Variants in RBM46 observed in about 807,000 individuals in gnomAD.
RBM46 encodes the protein probable RNA-binding protein 46.
Under a neutral mutation model 43.3 loss-of-function variants are expected in RBM46, and 12 were observed. That is an observed-to-expected ratio of 0.28 (90% CI 0.18 to 0.45). The LOEUF is 0.45. RBM46 is among the 20% of genes least tolerant of loss of function. The pLI is 1.00. For synonymous variants in RBM46, 205 were observed against 207.6 expected (o/e 0.99, Z 0.11); for missense variants, 412 against 639.1 (o/e 0.64, Z 3.83).
chr4:154,808,702 T>C (rs1363285267), intron 4 of RBM46, among the ~76,000 whole-genome samples: 1 of 152,076 alleles, frequency 6.6e-6, no homozygotes, highest in African/African-American at 2.4e-5. Context: ...TATCAATCTT[T>C]GGAAAACAGG....
intron 4 of RBM46, among the ~76,000 whole-genome samples, chr4:154,809,407 T>C (rs2111173599): frequency 6.6e-6 from 1 of 152,180 alleles, no homozygotes; most frequent in African/African-American, 2.4e-5. Flanking sequence ...GTAATGATTT[T>C]TAATTTTAGT....
intron 4 of RBM46, chr4:154,827,269 G>A: frequency 7.5e-6 from 7 of 936,382 alleles, no homozygotes; most frequent in Non-Finnish European, 8.9e-6. Flanking sequence ...GTTTTTTGAA[G>A]TTTATTTAAT....
intron 4 of RBM46, among the ~76,000 whole-genome samples, chr4:154,808,235 ATAAAATG>A (rs1039597466): frequency 2.0e-5 from 3 of 152,046 alleles, no homozygotes; most frequent in African/African-American, 7.2e-5. Context: ...ACTTATTTAA[ATAAAATG>A]TAAACCATGA....
Position 154,799,461 on chromosome 4 carries a change from T to A in RBM46, c.1299T>A (p.Pro433=). The A allele has an allele frequency of 6.2e-7, 1 of 1,613,840 alleles. No homozygotes were observed. Among genetic ancestry groups the A allele is most frequent in the Non-Finnish European group, 8.5e-7 (1 of 1,179,858 alleles). The change falls in exon 4 of 5, where the codon CCT becomes CCA. Residue 433 remains proline (P), a synonymous_variant. Transcript: ENST00000281722. ...TCTTGGTGTATAAGATAGTTATTCC[T>A]GCTATTGCAAATGGATCCCAGAGTT... ...KVLLVYKIVI[P]AIANGSQSYF...
chr4:154,796,039 G>C (rs1734336175), intron 1 of RBM46, among the ~76,000 whole-genome samples: 1 of 152,088 alleles, frequency 6.6e-6, no homozygotes, highest in South Asian at 2.1e-4. Flanking sequence ...ATGGTGGTGT[G>C]TGCCTGCAGT....
At chr4:154,791,335 G>A (rs1056557185) in intron 1 of RBM46, among the ~76,000 whole-genome samples, 2 of 152,152 alleles carry the variant, frequency 1.3e-5, no homozygotes, top group African/African-American at 2.4e-5. Context: ...TTTAAGGGAT[G>A]CCAGTTTAGG....
At chr4:154,793,990 T>C (rs1734225510) in intron 1 of RBM46, among the ~76,000 whole-genome samples, 1 of 152,154 alleles carries the variant, frequency 6.6e-6, no homozygotes, top group African/African-American at 2.4e-5. Flanking sequence ...AGTGTTCATC[T>C]CTTTCCTTGT....
At chr4:154,812,395 A>G (rs1206460600) in intron 4 of RBM46, among the ~76,000 whole-genome samples, 1 of 152,096 alleles carries the variant, frequency 6.6e-6, no homozygotes, top group Non-Finnish European at 1.5e-5. Context: ...TTGTAAACAT[A>G]TCTTGTTTAC....
chr4:154,811,669 C>CTGTGTGTGTG (rs70947182), intron 4 of RBM46, among the ~76,000 whole-genome samples: 3,699 of 130,736 alleles, frequency 0.028, 110 homozygotes, highest in African/African-American at 0.072. Flanking sequence ...GTGTGTGTGT[C>CTGTGTGTGTG]TGTGTGTGTG....
At chr4:154,826,303 CA>C (rs1735960241) in intron 4 of RBM46, among the ~76,000 whole-genome samples, 1 of 151,874 alleles carries the variant, frequency 6.6e-6, no homozygotes, top group Admixed American at 6.6e-5. Context: ...ACTAAAAATA[CA>C]AAAATTAACT....
At chr4:154,799,623 AT>A in intron 4 of RBM46, 59 bp downstream of exon 4, 1 of 1,184,656 alleles carries the variant, frequency 8.4e-7, no homozygotes, top group Non-Finnish European at 1.1e-6. Context: ...ACTGTAGATT[AT>A]TTTTAAATTC....
intron 1 of RBM46, among the ~76,000 whole-genome samples, chr4:154,792,370 G>T (rs1578899926): frequency 6.6e-6 from 1 of 152,290 alleles, no homozygotes; most frequent in Non-Finnish European, 1.5e-5. Context: ...AAAGGTCAGA[G>T]TTGTAAAGTG....
intron 1 of RBM46, among the ~76,000 whole-genome samples, chr4:154,791,800 A>T (rs1275525599): frequency 1.3e-5 from 2 of 152,332 alleles, no homozygotes; most frequent in East Asian, 3.9e-4. Flanking sequence ...GGGTGGTTGA[A>T]TTAGATGATT....
At position 154,798,186 on chromosome 4, in the gene RBM46, G is replaced by A; in HGVS notation, c.527G>A (p.Ser176Asn). 6.2e-7 allele frequency: 1 copy of A among 1,613,802 alleles called. No homozygotes were observed. ...GTTGTAGATGTCATTGTTTATCCAA[G>A]TGCAACTGATAAGACCAAAAATCGT... ...EGVVDVIVYP[S>N]ATDKTKNRGF... Residue 176 changes from serine (S) to asparagine (N), a missense_variant, in exon 3 of 5, where the codon AGT becomes AAT. Coordinates refer to ENST00000281722, the MANE Select transcript of RBM46 (RefSeq NM_144979.5).
intron 1 of RBM46, among the ~76,000 whole-genome samples, chr4:154,791,636 G>T (rs754886623): frequency 3.9e-5 from 6 of 152,042 alleles, no homozygotes; most frequent in Non-Finnish European, 7.4e-5. Context: ...AAGTTAACCA[G>T]GAAAGAGATT....
chr4:154,818,074 C>A (rs903475707), intron 4 of RBM46, among the ~76,000 whole-genome samples: 1 of 151,820 alleles, frequency 6.6e-6, no homozygotes, highest in Non-Finnish European at 1.5e-5. Context: ...TATATTTAAA[C>A]CTTATACATT....
At chr4:154,802,634 G>T (rs1734693808) in intron 4 of RBM46, among the ~76,000 whole-genome samples, 1 of 152,054 alleles carries the variant, frequency 6.6e-6, no homozygotes, top group Admixed American at 6.6e-5. Flanking sequence ...TTGAAGTCTT[G>T]AGAGGTTGTT....
At chr4:154,816,681 CT>C (rs556116605) in intron 4 of RBM46, among the ~76,000 whole-genome samples, 7 of 149,404 alleles carry the variant, frequency 4.7e-5, no homozygotes, top group South Asian at 4.2e-4. Context: ...TTATACACAT[CT>C]TTTTTTTTTC....
chr4:154,805,218 C>G (rs1048578615), intron 4 of RBM46, among the ~76,000 whole-genome samples: 2 of 152,044 alleles, frequency 1.3e-5, no homozygotes, highest in African/African-American at 4.8e-5. Context: ...TTCATTAGTC[C>G]TGTTTCTTAA....
Sources: allele counts gnomAD v4.1 joint callset (sites outside exome capture counted in the v4.1 genomes callset), GRCh38; gene constraint gnomAD v4.1.1; transcripts MANE v1.5; gene names NCBI Gene and HGNC (gene_info 2026-07-23, HGNC 2026-07-21).